Variants in MTIF2 observed in about 807,000 individuals in gnomAD.
MTIF2 encodes the protein translation initiation factor IF-2, mitochondrial.
Under a neutral mutation model 83.5 loss-of-function variants are expected in MTIF2, and 71 were observed. That is an observed-to-expected ratio of 0.85 (90% CI 0.70 to 1.04). The LOEUF is 1.04. MTIF2 is among the 50% of genes least tolerant of loss of function. MTIF2 has a pLI of 0.00. For missense variants in MTIF2, 957 were observed against 846.5 expected (o/e 1.13, Z -1.62); for synonymous variants, 319 against 287.1 (o/e 1.11, Z -1.12).
chr2:55,237,494 C>T, intron 14 of MTIF2, 66 bp from the exon 15 acceptor site: 1 of 1,471,162 alleles, frequency 6.8e-7, no homozygotes. Flanking sequence ...TAATTTCTGA[C>T]ATTCTGTGGT....
chr2:55,253,216 G>A (rs1377534012), intron 7 of MTIF2, among the ~76,000 whole-genome samples: 2 of 152,246 alleles, frequency 1.3e-5, no homozygotes, highest in Admixed American at 1.3e-4. Context: ...AAACATATAA[G>A]GTGCTCAGCA....
At chr2:55,258,025 C>G (rs1677675776) in intron 5 of MTIF2, among the ~76,000 whole-genome samples, 1 of 152,158 alleles carries the variant, frequency 6.6e-6, no homozygotes, top group African/African-American at 2.4e-5. Flanking sequence ...CTCTTGGGCT[C>G]AAGCGATATG....
chr2:55,262,230 T>C, intron 5 of MTIF2, 86 bp downstream of exon 5: 2 of 896,322 alleles, frequency 2.2e-6, no homozygotes, highest in Non-Finnish European at 3.7e-6. Context: ...TAGTTTTTAA[T>C]CTTTCAATGC....
At chr2:55,267,108 TTATGGTTCTGACATAGTAAATG>T (rs569014992) in intron 3 of MTIF2, among the ~76,000 whole-genome samples, 155 of 151,192 alleles carry the variant, frequency 1.0e-3, no homozygotes, top group African/African-American at 3.4e-3. Context: ...AAAGTGTATT[TTATGGTTCTGACATAGTAAATG>T]TATGGTTCTG....
At chr2:55,241,779 G>A (rs1438432041) in intron 13 of MTIF2, among the ~76,000 whole-genome samples, 2 of 152,008 alleles carry the variant, frequency 1.3e-5, no homozygotes, top group Admixed American at 1.3e-4. Flanking sequence ...GGAGGGAGAG[G>A]TGGCAATGAG....
intron 6 of MTIF2, 69 bp downstream of exon 6, chr2:55,254,585 C>T (rs1043641338): frequency 7.8e-7 from 1 of 1,282,900 alleles, no homozygotes; most frequent in Non-Finnish European, 1.0e-6. Context: ...CAAATCTTTC[C>T]ATTAAAAAGT....
intron 8 of MTIF2, among the ~76,000 whole-genome samples, chr2:55,252,145 G>A (rs555982908): frequency 1.4e-4 from 21 of 152,080 alleles, no homozygotes; most frequent in African/African-American, 3.9e-4. Flanking sequence ...AACTCCTAAT[G>A]AATTTATGTG....
At chr2:55,237,251 T>C in intron 15 of MTIF2, 37 bp downstream of exon 15, 1 of 1,586,728 alleles carries the variant, frequency 6.3e-7, no homozygotes, top group Non-Finnish European at 8.6e-7. Context: ...TCTTGGTGAC[T>C]GGATATGCTA....
rs1675830922 is a variant in MTIF2 at position 55,236,633 on chromosome 2, A to G, written c.*15T>C. 1 of 1,574,284 alleles carries G rather than the reference A, an allele frequency of 6.4e-7. No individual in the cohort carries two copies. Among genetic ancestry groups the G allele is most frequent in the Non-Finnish European group, 8.6e-7 (1 of 1,165,316 alleles). ...ACAAACAACACGTTGAGTTATTTAC[A>G]TTTTTAATGTAATTTTAAAATCCTG... On this transcript the variant is annotated 3_prime_UTR_variant, in exon 16 of 16. Coordinates refer to ENST00000263629, the MANE Select transcript of MTIF2 (RefSeq NM_002453.3).
At chr2:55,258,767 G>C (rs746236188) in intron 5 of MTIF2, among the ~76,000 whole-genome samples, 1 of 144,100 alleles carries the variant, frequency 6.9e-6, no homozygotes, top group Non-Finnish European at 1.5e-5. Context: ...AGCTGAGATC[G>C]TATCACTGCA....
intron 11 of MTIF2, 102 bp from the exon 12 acceptor site, chr2:55,243,770 T>C (rs1356861556): frequency 8.2e-7 from 1 of 1,218,504 alleles, no homozygotes; most frequent in Non-Finnish European, 1.1e-6. Flanking sequence ...TTAACTCATG[T>C]ATGAAACTAC....
intron 1 of MTIF2, chr2:55,268,953 G>C (rs1357628523): frequency 1.3e-5 from 2 of 152,334 alleles, no homozygotes; most frequent in Non-Finnish European, 1.5e-5. Flanking sequence ...GCGAGGAGGG[G>C]AAGCCGGCCA....
intron 5 of MTIF2, among the ~76,000 whole-genome samples, chr2:55,259,269 T>G (rs1677777722): frequency 6.6e-6 from 1 of 152,172 alleles, no homozygotes; most frequent in South Asian, 2.1e-4. Flanking sequence ...ATATCGCTAA[T>G]GTATATAGTA....
At chr2:55,254,306 C>G in intron 6 of MTIF2, 105 bp from the exon 7 acceptor site, 1 of 1,305,360 alleles carries the variant, frequency 7.7e-7, no homozygotes. Context: ...AACAATAAAA[C>G]CCAATATTCA....
chr2:55,240,675 C>T (rs977703455), intron 13 of MTIF2, among the ~76,000 whole-genome samples: 3 of 152,152 alleles, frequency 2.0e-5, no homozygotes, highest in African/African-American at 7.2e-5. Flanking sequence ...ATTTTATAAA[C>T]TGTATTGTGG....
At position 55,237,376 on chromosome 2, in the gene MTIF2, A is replaced by C; in HGVS notation, c.1923T>G (p.Val641=). ...TFSVTEGKKK[V]PVAGCRVQKG... is the part of the protein sequence containing the mutation. ...TTTGGACTCTGCAGCCAGCCACAGGAACTTTTTTCTTCCCTTCTGTTACAG... is the reference window on the plus strand; with the variant it reads ...TTTGGACTCTGCAGCCAGCCACAGGCACTTTTTTCTTCCCTTCTGTTACAG... The change falls in exon 15 of 16, where the codon GTT becomes GTG. Residue 641 remains valine (V), a synonymous_variant. Coordinates refer to ENST00000263629, the MANE Select transcript of MTIF2 (RefSeq NM_002453.3). The C allele has an allele frequency of 6.2e-7, 1 of 1,612,884 alleles. No individual in the cohort carries two copies. Among genetic ancestry groups the C allele is most frequent in the African/African-American group, 1.3e-5 (1 of 74,966 alleles).
intron 11 of MTIF2, 25 bp from the exon 12 acceptor site, chr2:55,243,693 T>G (rs756462074): frequency 1.2e-6 from 2 of 1,604,216 alleles, no homozygotes; most frequent in Non-Finnish European, 8.5e-7. Context: ...AACGTATTAT[T>G]TAATGAAATA....
At position 55,253,960 on chromosome 2, in the gene MTIF2, T is replaced by C; in HGVS notation, c.664+81A>G. The C allele has an allele frequency of 6.3e-6, 9 of 1,433,766 alleles. 1 individual carries two copies. In the South Asian group the frequency reaches 1.2e-4, roughly 19 times the overall value. 88.8% of individuals were successfully genotyped at this position (1,433,766 alleles called of 1,614,324 possible). On this transcript the variant is annotated intron_variant, in intron 7 of 15. Coordinates refer to ENST00000263629, the MANE Select transcript of MTIF2 (RefSeq NM_002453.3). ...TTAGCCTTCTCTTGTACTTTGAATT[T>C]GTATATTTCATACTATGACATTTAG...
In MTIF2 at chr2:55,263,663, A is replaced by G. The variant is rs1678212410; in HGVS notation, c.196T>C (p.Tyr66His). The change falls in exon 4 of 16, where the codon TAT (tyrosine) becomes CAT (histidine). Residue 66 changes from tyrosine to histidine, a missense_variant. Around this residue, in one of 3 missense-constraint regions of MTIF2, gnomAD observed 733 missense variants for 648.7 expected, o/e 1.13. Coordinates refer to ENST00000263629, the MANE Select transcript of MTIF2 (RefSeq NM_002453.3). ...DVLTGAALSQ[Y>H]RLLVTKKEEG... The stretch of plus-strand genomic sequence containing the variant: ...ACCTTTTTTGTTACTAGAAGCCTAT[A>G]CTGAGATAAAGCAGCCCCAGTGAGC... 6.2e-7 allele frequency: 1 copy of G among 1,613,800 alleles called. No individual in the cohort carries two copies. The highest frequency in any genetic ancestry group is 8.5e-7 in the Non-Finnish European group (1 of 1,179,888).
Sources: allele counts gnomAD v4.1 joint callset (sites outside exome capture counted in the v4.1 genomes callset), GRCh38; gene constraint gnomAD v4.1.1; regional missense constraint gnomAD v4.1.1; transcripts MANE v1.5; gene names NCBI Gene and HGNC (gene_info 2026-07-23, HGNC 2026-07-21).